FRYL: variants seen among roughly 807,000 people sequenced by gnomAD.
FRYL encodes the protein FRY like transcription coactivator.
A neutral mutation model predicts 351.2 loss-of-function variants in FRYL; 150 were observed. That is an observed-to-expected ratio of 0.43 (90% CI 0.37 to 0.49). The LOEUF (loss-of-function observed/expected upper bound fraction) is 0.49. Among genes scored for constraint, FRYL ranks in the 20% least tolerant of loss-of-function variants. FRYL has a pLI of 0.00. For missense variants in FRYL, 3,036 were observed against 3,619.3 expected, an observed-to-expected ratio of 0.84 and a Z score of 4.13; for synonymous variants, 1,153 against 1,257.1, an observed-to-expected ratio of 0.92 and a Z score of 1.75.
intron 1 of FRYL, among the ~76,000 whole-genome samples, chr4:48,719,897 A>T (rs1334117246): frequency 2.6e-5 from 4 of 151,614 alleles, no homozygotes. Context: ...CACGCCTGTA[A>T]TCCCAGCACT....
intron 4 of FRYL, among the ~76,000 whole-genome samples, chr4:48,631,710 T>C (rs1198881671): frequency 1.3e-5 from 2 of 151,916 alleles, no homozygotes; most frequent in Admixed American, 6.6e-5. Flanking sequence ...GTAAAATACA[T>C]ATTCATTTAG....
intron 21 of FRYL, 114 bp downstream of exon 21, chr4:48,581,306 C>T (rs76601306): frequency 0.07 from 58,608 of 833,944 alleles, 2,507 homozygotes; most frequent in Non-Finnish European, 0.086. Flanking sequence ...CAATTGAGAA[C>T]GGTAGGTTAG....
chr4:48,774,387 C>T (rs1369535908), intron 1 of FRYL, among the ~76,000 whole-genome samples: 7 of 152,144 alleles, frequency 4.6e-5, no homozygotes, highest in Non-Finnish European at 1.5e-5. Flanking sequence ...TTATTCCTGG[C>T]CCAGTCAACA....
chr4:48,558,540 A>T (rs747641248), intron 33 of FRYL, among the ~76,000 whole-genome samples: 2 of 152,236 alleles, frequency 1.3e-5, no homozygotes, highest in Admixed American at 6.5e-5. Context: ...ACACTAAACA[A>T]TTCTGGAACT....
intron 33 of FRYL, 98 bp downstream of exon 33, chr4:48,561,370 G>T: frequency 1.3e-6 from 1 of 759,948 alleles, no homozygotes; most frequent in South Asian, 3.6e-5. Context: ...GTCTGGTTTT[G>T]ATTTAACCTG....
chr4:48,609,734 T>C lies in FRYL; in HGVS notation c.491+10A>G. On this transcript the variant is annotated intron_variant, in intron 8 of 63. Coordinates refer to ENST00000358350, the MANE Select transcript of FRYL (RefSeq NM_015030.2). The stretch of plus-strand genomic sequence containing the variant: ...AAAAGGCAACAATCCCAAGTTAGTA[T>C]TTTACTTACCCTTCCTTATGTTTAA... 7.0e-7 allele frequency: 1 copy of C among 1,422,116 alleles called. No individual in the cohort carries two copies. The highest frequency in any genetic ancestry group is 9.7e-7 in the Non-Finnish European group (1 of 1,027,556). 88.1% of individuals were successfully genotyped at this position (1,422,116 alleles called of 1,614,324 possible). A position where few individuals can be genotyped will look rare whatever the true frequency, so the allele number is the denominator to read the frequency against.
intron 9 of FRYL, 78 bp downstream of exon 9, chr4:48,608,909 C>A: frequency 1.2e-6 from 1 of 857,694 alleles, no homozygotes; most frequent in African/African-American, 1.7e-5. Flanking sequence ...TTCGAACTAT[C>A]AGTATCTATT....
In FRYL at chr4:48,575,238, T is replaced by A. The variant is rs780226928; in HGVS notation, c.2725A>T (p.Ile909Phe). 1.2e-6 allele frequency: 2 copies of A among 1,612,134 alleles called. No homozygotes were observed. Among genetic ancestry groups the A allele is most frequent in the Admixed American group, 1.7e-5 (1 of 59,628 alleles). The change falls in exon 25 of 64, where the codon ATT becomes TTT. Residue 909 changes from isoleucine to phenylalanine, a missense_variant. Around this residue, in one of 7 missense-constraint regions of FRYL, gnomAD observed 492 missense variants for 551.5 expected, o/e 0.89. Coordinates refer to ENST00000358350, the MANE Select transcript of FRYL (RefSeq NM_015030.2). ...DSGYSIDSKIIGIPSPSSLFK... is the reference protein window; with the variant it reads ...DSGYSIDSKIFGIPSPSSLFK... ...AAGGATGAAGGGGATGGGATGCCAA[T>A]AATCTGGAAAAAAAATATCGTATTT...
intron 7 of FRYL, among the ~76,000 whole-genome samples, chr4:48,614,617 G>A (rs1206755067): frequency 2.0e-5 from 3 of 150,274 alleles, no homozygotes; most frequent in Admixed American, 6.6e-5. Flanking sequence ...AGCTTCTCGG[G>A]AGGCTGAGGC....
Position 48,510,896 on chromosome 4 carries a change from C to A in FRYL, c.8234G>T (p.Ser2745Ile), listed in dbSNP as rs750883516. ...ACACAGCATCATCACTTCCAAGGAA[C>A]TTTTAAATTTGGTACCAATGCGTTG... ...SLQRIGTKFK[S>I]SLEVMMLCSE... The change falls in exon 58 of 64, where the codon AGT (serine) becomes ATT (isoleucine). Residue 2745 changes from serine (S) to isoleucine (I), a missense_variant. This residue lies in a region of FRYL where 1,987 missense variants were observed against 2,311.7 expected (regional missense o/e 0.86). Transcript: ENST00000358350. The A allele has an allele frequency of 6.2e-7, 1 of 1,613,238 alleles. No individual in the cohort carries two copies.
intron 25 of FRYL, among the ~76,000 whole-genome samples, chr4:48,573,578 T>G (rs1738852122): frequency 6.6e-6 from 1 of 152,188 alleles, no homozygotes; most frequent in Admixed American, 6.5e-5. Flanking sequence ...AGATGGAGTT[T>G]CGCTCTTGTT....
intron 3 of FRYL, among the ~76,000 whole-genome samples, chr4:48,634,697 T>G (rs753390539): frequency 5.9e-5 from 9 of 152,198 alleles, no homozygotes; most frequent in Non-Finnish European, 1.3e-4. Context: ...TGTTTCTCTC[T>G]CTATCCTACT....
In FRYL at chr4:48,510,071, T is replaced by C. The variant is rs376997886; in HGVS notation, c.8382A>G (p.Glu2794=). ...AAAAGAGACTGACCTGCTCAGCGGC[T>C]TCTCTTTTCACATTGTATGTATCCA... is the stretch of plus-strand genomic sequence containing the variant. ...EHLDTYNVKR[E]AAEQWLDDCK... Residue 2794 remains glutamate, a synonymous_variant, in exon 59 of 64, where the codon GAA becomes GAG. Transcript: ENST00000358350. 56 of 1,611,572 alleles carry C rather than the reference T, an allele frequency of 3.5e-5. 1 individual carries two copies. In the Admixed American group the frequency reaches 8.7e-4, roughly 25 times the overall value.
intron 62 of FRYL, among the ~76,000 whole-genome samples, chr4:48,500,809 G>A (rs1444919162): frequency 6.6e-6 from 1 of 152,136 alleles, no homozygotes; most frequent in Non-Finnish European, 1.5e-5. Flanking sequence ...TGTGGGCTGG[G>A]CACGGTGGCT....
Position 48,515,163 on chromosome 4 carries a change from T to A in FRYL, c.7802A>T (p.Glu2601Val), listed in dbSNP as rs1723303742. The change falls in exon 56 of 64, where the codon GAA (glutamate) becomes GTA (valine). Residue 2601 changes from glutamate (E) to valine (V), a missense_variant. Coordinates refer to ENST00000358350, the MANE Select transcript of FRYL (RefSeq NM_015030.2). ...SLVCQGILDL[E>V]ETEMPEPLAP... Reference sequence around the variant, plus strand: ...TAGAGGCTCTGGCATTTCAGTTTCTTCTAAATCAAGAATTCCTTGACACAC... The same window carrying A: ...TAGAGGCTCTGGCATTTCAGTTTCTACTAAATCAAGAATTCCTTGACACAC... The A allele has an allele frequency of 1.9e-6, 3 of 1,614,042 alleles. No homozygotes were observed. In the African/African-American group the frequency reaches 4.0e-5, roughly 22 times the overall value.
At chr4:48,742,032 G>T (rs188736724) in intron 1 of FRYL, among the ~76,000 whole-genome samples, 2 of 152,316 alleles carry the variant, frequency 1.3e-5, no homozygotes, top group Non-Finnish European at 2.9e-5. Flanking sequence ...TAACAATGAT[G>T]TATCAATATA....
chr4:48,708,843 C>G (rs1451425022), intron 2 of FRYL, among the ~76,000 whole-genome samples: 1 of 151,880 alleles, frequency 6.6e-6, no homozygotes, highest in Non-Finnish European at 1.5e-5. Context: ...ATCCTCCCAC[C>G]TGGGCCTCCC....
intron 44 of FRYL, 87 bp from the exon 45 acceptor site, chr4:48,542,208 C>T: frequency 1.1e-6 from 1 of 882,542 alleles, no homozygotes; most frequent in Non-Finnish European, 1.9e-6. Flanking sequence ...TAAAATAGAA[C>T]AAACTCCATG....
intron 27 of FRYL, among the ~76,000 whole-genome samples, chr4:48,570,053 A>G (rs1159584957): frequency 6.6e-6 from 1 of 152,046 alleles, no homozygotes; most frequent in African/African-American, 2.4e-5. Context: ...GGCTCAAGTG[A>G]TCCACCCATC....
Sources: allele counts gnomAD v4.1 joint callset (sites outside exome capture counted in the v4.1 genomes callset), GRCh38; gene constraint gnomAD v4.1.1; regional missense constraint gnomAD v4.1.1; transcripts MANE v1.5; gene names NCBI Gene and HGNC (gene_info 2026-07-23, HGNC 2026-07-21).